Variants in SBF2 observed in about 807,000 individuals in gnomAD.
SBF2 encodes SET binding factor 2.
Under a neutral mutation model 225.2 loss-of-function variants are expected in SBF2, and 112 were observed. The ratio of observed to expected loss-of-function variants is 0.50; its 90% CI spans 0.43 to 0.58. The LOEUF (loss-of-function observed/expected upper bound fraction) is 0.58, where lower values mean the gene tolerates loss of function less well. Among genes scored for constraint, SBF2 ranks in the 20% least tolerant of loss-of-function variants. The pLI is 0.00. For missense variants in SBF2, 1,996 were observed against 2,206.2 expected (o/e 0.90, Z 1.91); for synonymous variants, 763 against 773.3 (o/e 0.99, Z 0.22).
At chr11:10,006,499 CT>C (rs1948196689) in intron 6 of SBF2, among the ~76,000 whole-genome samples, 1 of 152,184 alleles carries the variant, frequency 6.6e-6, no homozygotes, top group African/African-American at 2.4e-5. Context: ...CATTCTAGCC[CT>C]TTAAGGACCC....
chr11:10,230,136 C>T (rs1249079940), intron 1 of SBF2, among the ~76,000 whole-genome samples: 1 of 152,114 alleles, frequency 6.6e-6, no homozygotes, highest in African/African-American at 2.4e-5. Flanking sequence ...GGATTGCAAT[C>T]CCTGCCTTTT....
At position 9,893,971 on chromosome 11, in the gene SBF2, C is replaced by T. The variant is rs550948668; in HGVS notation, c.1929+1972G>A. On this transcript the variant is annotated intron_variant, in intron 17 of 39. Transcript: ENST00000256190. ...CCTTATATTAAAATTTCTGGTCAGG[C>T]GTGGTGGCTCACCACTGTAATCGCA... is the stretch of plus-strand genomic sequence containing the variant. 3.2e-4 allele frequency among the ~76,000 whole-genome samples: 49 copies of T among 152,260 alleles called. No homozygotes were observed. The South Asian group carries it at 6.8e-3, about 21-fold the overall frequency.
chr11:9,906,511 T>C (rs931864937), intron 16 of SBF2, among the ~76,000 whole-genome samples: 2 of 152,240 alleles, frequency 1.3e-5, no homozygotes, highest in African/African-American at 4.8e-5. Flanking sequence ...GTAGTGCATG[T>C]CTCAAACCTG....
At chr11:10,048,432 T>C (rs137893900) in intron 2 of SBF2, among the ~76,000 whole-genome samples, 198 of 152,354 alleles carry the variant, frequency 1.3e-3, no homozygotes, top group Middle Eastern at 6.8e-3. Flanking sequence ...CAAACTATAC[T>C]AGTAATTGCT....
chr11:10,275,338 A>C (rs901740584), intron 1 of SBF2, among the ~76,000 whole-genome samples: 1 of 143,466 alleles, frequency 7.0e-6, no homozygotes, highest in African/African-American at 2.4e-5. Flanking sequence ...TGGCTTTAAA[A>C]GTCTTTAGTG....
chr11:9,815,384 T>C (rs955894222), intron 29 of SBF2, among the ~76,000 whole-genome samples: 1 of 138,124 alleles, frequency 7.2e-6, no homozygotes, highest in Admixed American at 7.7e-5. Flanking sequence ...ACCTGGGAGG[T>C]GGAGGTTGCA....
chr11:9,998,193 CAT>C, intron 9 of SBF2, 71 bp downstream of exon 9: 1 of 899,558 alleles, frequency 1.1e-6, no homozygotes, highest in Non-Finnish European at 1.8e-6. Context: ...CATTGACAAA[CAT>C]TTTTAATTTT....
At chr11:9,855,281 C>T (rs972352337) in intron 19 of SBF2, among the ~76,000 whole-genome samples, 2 of 152,098 alleles carry the variant, frequency 1.3e-5, no homozygotes, top group African/African-American at 2.4e-5. Context: ...TCCAAGTTGT[C>T]TAGCCTGGAA....
chr11:10,257,417 A>C (rs1960955729), intron 1 of SBF2, among the ~76,000 whole-genome samples: 1 of 151,854 alleles, frequency 6.6e-6, no homozygotes, highest in South Asian at 2.1e-4. Context: ...TGCAATCCCA[A>C]CACTTTGAGA....
intron 9 of SBF2, among the ~76,000 whole-genome samples, chr11:9,996,642 G>T (rs537930831): frequency 6.6e-6 from 1 of 152,146 alleles, no homozygotes. Flanking sequence ...GCCTGCCTCG[G>T]CCTCCCAAAG....
intron 2 of SBF2, among the ~76,000 whole-genome samples, chr11:10,144,868 C>T (rs149937791): frequency 0.014 from 2,079 of 152,328 alleles, 21 homozygotes; most frequent in Non-Finnish European, 0.02. Context: ...CCTTCCAAAT[C>T]CAAAATAAAT....
intron 16 of SBF2, among the ~76,000 whole-genome samples, chr11:9,907,354 C>T (rs1862197378): frequency 6.6e-6 from 1 of 152,204 alleles, no homozygotes; most frequent in African/African-American, 2.4e-5. Context: ...TTCTATTCCA[C>T]ATCATACTTA....
At chr11:9,978,099 TA>T (rs988718758) in intron 13 of SBF2, among the ~76,000 whole-genome samples, 1 of 152,136 alleles carries the variant, frequency 6.6e-6, no homozygotes, top group Non-Finnish European at 1.5e-5. Context: ...GAAATGTGAT[TA>T]AAAAAACAAC....
chr11:9,932,883 C>A (rs1864595674), intron 16 of SBF2, among the ~76,000 whole-genome samples: 1 of 143,580 alleles, frequency 7.0e-6, no homozygotes, highest in South Asian at 2.2e-4. Context: ...ATTCAGGAGA[C>A]CCATCTCACA....
chr11:9,871,795 T>C (rs1858780407), intron 17 of SBF2, among the ~76,000 whole-genome samples: 1 of 151,926 alleles, frequency 6.6e-6, no homozygotes, highest in South Asian at 2.1e-4. Flanking sequence ...CCGGCCAGGA[T>C]GATAATTATT....
intron 6 of SBF2, among the ~76,000 whole-genome samples, chr11:10,023,433 AG>A (rs1386374500): frequency 2.6e-5 from 4 of 152,186 alleles, no homozygotes; most frequent in Admixed American, 6.5e-5. Context: ...AGTGGTTTTT[AG>A]TGTAGTCACG....
At chr11:9,822,039 T>C (rs1273859968) in intron 28 of SBF2, among the ~76,000 whole-genome samples, 1 of 152,136 alleles carries the variant, frequency 6.6e-6, no homozygotes, top group Non-Finnish European at 1.5e-5. Context: ...TAACAATAAC[T>C]ATAATAATAA....
In SBF2 at chr11:10,303,657, G is replaced by C. The variant is rs1235503357; in HGVS notation, n.386+835C>G. On this transcript the variant is annotated intron_variant and non_coding_transcript_variant, in intron 1 of 5. Coordinates refer to the SBF2 transcript ENST00000685217. This position sits in a 1 kb window ranked among gnomAD's most constrained non-coding sequence, Gnocchi z 5.2. ...ACCTTCACACAGCGAATTGCCGGGA[G>C]GTGAGGACTAGAAGCCTGTTTGGCT... 6.6e-6 allele frequency: 1 copy of C among 152,322 alleles called. No individual in the cohort carries two copies. Among genetic ancestry groups the C allele is most frequent in the Non-Finnish European group, 1.5e-5 (1 of 68,130 alleles). 9.4% of individuals were successfully genotyped at this position (152,322 alleles called of 1,614,324 possible).
intron 2 of SBF2, among the ~76,000 whole-genome samples, chr11:10,157,307 T>C (rs1308216388): frequency 2.6e-5 from 4 of 152,008 alleles, no homozygotes; most frequent in Admixed American, 6.6e-5. Context: ...CTCCAAACCA[T>C]AAAAACTCTG....
Sources: allele counts gnomAD v4.1 joint callset (sites outside exome capture counted in the v4.1 genomes callset), GRCh38; gene constraint gnomAD v4.1.1; non-coding constraint Gnocchi (gnomAD v3.1); transcripts MANE v1.5; gene names NCBI Gene and HGNC (gene_info 2026-07-23, HGNC 2026-07-21).